The following SLC35F1 variants were observed in gnomAD, a reference collection of about 807,000 sequenced individuals.
The protein encoded by SLC35F1 is chromosome 6 open reading frame 169.
Under a neutral mutation model 48.7 loss-of-function variants are expected in SLC35F1, and 14 were observed. The observed-to-expected ratio is 0.29, with a 90% CI of 0.19 to 0.45. SLC35F1 has a LOEUF of 0.45. Among genes scored for constraint, SLC35F1 ranks in the 20% least tolerant of loss-of-function variants. The probability of loss-of-function intolerance (pLI) is 1.00; values close to 1 mark genes in which losing one functional copy is unlikely to be tolerated. For missense variants in SLC35F1, 404 were observed against 500.0 expected, an observed-to-expected ratio of 0.81 and a Z score of 1.83; for synonymous variants, 190 against 202.2, an observed-to-expected ratio of 0.94 and a Z score of 0.51.
At chr6:117,935,065 C>T (rs540502518) in intron 1 of SLC35F1, among the ~76,000 whole-genome samples, 2 of 152,308 alleles carry the variant, frequency 1.3e-5, no homozygotes, top group Non-Finnish European at 2.9e-5. Flanking sequence ...TAAGATCACA[C>T]CATTGCACTC....
chr6:117,922,366 T>C (rs566923608), intron 1 of SLC35F1, among the ~76,000 whole-genome samples: 6 of 152,312 alleles, frequency 3.9e-5, no homozygotes, highest in African/African-American at 1.4e-4. Context: ...ATTTCTTCTG[T>C]ATATACATCA....
intron 1 of SLC35F1, among the ~76,000 whole-genome samples, chr6:118,129,001 A>G (rs1773671102): frequency 6.6e-6 from 1 of 152,058 alleles, no homozygotes; most frequent in African/African-American, 2.4e-5. Flanking sequence ...ATTTCACTAG[A>G]TTGTTATTGA....
At chr6:117,920,589 A>C (rs1980748) in intron 1 of SLC35F1, among the ~76,000 whole-genome samples, 1 of 152,044 alleles carries the variant, frequency 6.6e-6, no homozygotes, top group Non-Finnish European at 1.5e-5. Context: ...GGCTCCAAGA[A>C]TGCTAGATGG....
intron 2 of SLC35F1, among the ~76,000 whole-genome samples, chr6:118,210,179 G>A (rs1230010459): frequency 6.6e-6 from 1 of 152,164 alleles, no homozygotes; most frequent in Non-Finnish European, 1.5e-5. Context: ...CAGATTTATA[G>A]TTTTCTGCCT....
chr6:118,088,127 C>T (rs538673290), intron 1 of SLC35F1, among the ~76,000 whole-genome samples: 4 of 152,232 alleles, frequency 2.6e-5, no homozygotes, highest in African/African-American at 7.2e-5. Context: ...TTAATAGTTA[C>T]TTAAAGTATT....
intron 1 of SLC35F1, among the ~76,000 whole-genome samples, chr6:118,127,653 A>G (rs865777437): frequency 1.3e-5 from 2 of 151,992 alleles, no homozygotes; most frequent in African/African-American, 2.4e-5. Context: ...TTATACAAAA[A>G]TTAATTCAAG....
chr6:118,285,684 T>C (rs546117622), intron 7 of SLC35F1, among the ~76,000 whole-genome samples: 2 of 152,362 alleles, frequency 1.3e-5, no homozygotes, highest in South Asian at 4.1e-4. Flanking sequence ...AGACTACAGC[T>C]GCAAAATGGA....
intron 6 of SLC35F1, among the ~76,000 whole-genome samples, chr6:118,280,428 G>A (rs1775967571): frequency 6.6e-6 from 1 of 152,112 alleles, no homozygotes; most frequent in African/African-American, 2.4e-5. Context: ...TGGTATGCAG[G>A]GGCCTTCTTC....
chr6:118,296,767 A>G (rs556808109), intron 7 of SLC35F1, among the ~76,000 whole-genome samples: 1 of 152,324 alleles, frequency 6.6e-6, no homozygotes, highest in South Asian at 2.1e-4. Context: ...GGCATAACCA[A>G]GAAAAAAGCA....
intron 3 of SLC35F1, among the ~76,000 whole-genome samples, chr6:118,260,749 C>T (rs1335896192): frequency 6.6e-6 from 1 of 152,156 alleles, no homozygotes; most frequent in Non-Finnish European, 1.5e-5. Flanking sequence ...AAAGAATAAA[C>T]TTTTCCTGGC....
chr6:118,139,358 C>T (rs1020766829), intron 1 of SLC35F1, among the ~76,000 whole-genome samples: 12 of 152,228 alleles, frequency 7.9e-5, no homozygotes, highest in African/African-American at 2.6e-4. Flanking sequence ...GTGATCCACC[C>T]GTCTCGGCCT....
At chr6:118,124,748 A>G (rs897795772) in intron 1 of SLC35F1, among the ~76,000 whole-genome samples, 1 of 152,144 alleles carries the variant, frequency 6.6e-6, no homozygotes, top group Non-Finnish European at 1.5e-5. Flanking sequence ...ACTCAAGTGC[A>G]TATACTCAAA....
At chr6:118,157,924 C>T (rs1406001433) in intron 2 of SLC35F1, among the ~76,000 whole-genome samples, 1 of 152,158 alleles carries the variant, frequency 6.6e-6, no homozygotes, top group Non-Finnish European at 1.5e-5. Context: ...ATTCATTAAC[C>T]ATCACAAGGA....
chr6:117,938,322 C>T (rs536212546), intron 1 of SLC35F1, among the ~76,000 whole-genome samples: 1 of 152,208 alleles, frequency 6.6e-6, no homozygotes, highest in South Asian at 2.1e-4. Context: ...AAAAGTCACT[C>T]TTATGATTTT....
intron 2 of SLC35F1, among the ~76,000 whole-genome samples, chr6:118,165,141 G>T (rs1025969319): frequency 5.9e-5 from 9 of 152,292 alleles, no homozygotes; most frequent in Middle Eastern, 3.4e-3. Context: ...AGGGAGGGTT[G>T]CCAAAGGAAG....
chr6:118,208,929 C>T (rs540444113), intron 2 of SLC35F1, among the ~76,000 whole-genome samples: 40 of 152,252 alleles, frequency 2.6e-4, no homozygotes, highest in African/African-American at 9.1e-4. Context: ...ATTCTTCCTC[C>T]CCAAGGTGGG....
intron 7 of SLC35F1, among the ~76,000 whole-genome samples, chr6:118,291,084 T>G (rs1562352679): frequency 6.6e-6 from 1 of 152,150 alleles, no homozygotes; most frequent in Non-Finnish European, 1.5e-5. Context: ...TAAGCCACCA[T>G]GCCCAGCCAG....
At chr6:117,932,033 A>G (rs566400261) in intron 1 of SLC35F1, among the ~76,000 whole-genome samples, 3 of 152,300 alleles carry the variant, frequency 2.0e-5, no homozygotes, top group South Asian at 4.1e-4. Context: ...GCCCTCATCA[A>G]TGGCATTGAT....
At chr6:118,024,877 G>A (rs1466753229) in intron 1 of SLC35F1, among the ~76,000 whole-genome samples, 2 of 152,004 alleles carry the variant, frequency 1.3e-5, no homozygotes, top group East Asian at 1.9e-4. Context: ...AATCAATATG[G>A]CCAAGTAAAG....
Sources: gnomAD v4.1 joint callset for allele counts (sites outside exome capture counted in the v4.1 genomes callset) on GRCh38, gnomAD v4.1.1 for gene constraint, MANE v1.5 for transcripts, NCBI Gene and HGNC (gene_info 2026-07-23, HGNC 2026-07-21) for gene names.